ONECUT3: variants seen among roughly 807,000 people sequenced by gnomAD.
ONECUT3 encodes the protein one cut domain family member 3.
In ONECUT3, 11 loss-of-function variants were observed where a neutral mutation model predicts 16.8. The ratio of observed to expected loss-of-function variants is 0.66; its 90% CI spans 0.41 to 1.09. ONECUT3 has a LOEUF of 1.09. Ranked by LOEUF, ONECUT3 falls within the 50% of genes least tolerant of loss-of-function variation. The probability of loss-of-function intolerance (pLI) is 0.00; values close to 1 mark genes in which losing one functional copy is unlikely to be tolerated. For synonymous variants in ONECUT3, 344 were observed against 310.7 expected (o/e 1.11, Z -1.13); for missense variants, 637 against 629.9 (o/e 1.01, Z -0.12).
At position 1,754,926 on chromosome 19, in the gene ONECUT3, C is replaced by T. The variant is rs939637934; in HGVS notation, c.1192+72C>T. On this transcript the variant is annotated intron_variant, in intron 1 of 1. Transcript: ENST00000382349. The surrounding 1 kb of genome is among the most constrained non-coding windows in gnomAD (Gnocchi z 7.4). ...GACTCCCGAGCACCTAGCGGGGCGG[C>T]GGCCGATGCCCGGGGCCAGCGCCCC... is the stretch of plus-strand genomic sequence containing the variant. 7.8e-6 allele frequency: 10 copies of T among 1,282,618 alleles called. No homozygotes were observed. Among genetic ancestry groups the T allele is most frequent in the South Asian group, 2.3e-5 (1 of 43,558 alleles). The allele number at this position is 1,282,618 out of a possible 1,614,324, so 79.5% of individuals were successfully genotyped here.
intron 1 of ONECUT3, among the ~76,000 whole-genome samples, chr19:1,769,256 G>C (rs930149127): frequency 6.6e-6 from 1 of 151,910 alleles, no homozygotes; most frequent in Non-Finnish European, 1.5e-5. Flanking sequence ...GGTGGTGGAG[G>C]AGGAGGAGGT....
chr19:1,775,128 C>G, intron 1 of ONECUT3, 25 bp from the exon 2 acceptor site: 2 of 941,512 alleles, frequency 2.1e-6, no homozygotes, highest in Non-Finnish European at 3.1e-6. Context: ...TCCCGCTCGC[C>G]CGCCCGCCCG....
chr19:1,767,097 C>T (rs1369592901), intron 1 of ONECUT3, among the ~76,000 whole-genome samples: 1 of 152,044 alleles, frequency 6.6e-6, no homozygotes, highest in Non-Finnish European at 1.5e-5. Context: ...CTACTCTTGG[C>T]CCCAGTTTCT....
In ONECUT3 at chr19:1,764,532, G is replaced by A. The variant is rs138838180; in HGVS notation, c.1192+9678G>A. Among the ~76,000 whole-genome samples, 1 of 152,164 alleles carries A rather than the reference G, an allele frequency of 6.6e-6. No individual in the cohort carries two copies. Among genetic ancestry groups the A allele is most frequent in the Non-Finnish European group, 1.5e-5 (1 of 67,988 alleles). ...GGCAGGGCAGGCATGGGGAGGGTAA[G>A]CCACCCAGAGTGGAGGGGTAGTGGG... On this transcript the variant is annotated intron_variant, in intron 1 of 1. Transcript: ENST00000382349. This position sits in a 1 kb window ranked among gnomAD's most constrained non-coding sequence, Gnocchi z 5.0.
chr19:1,779,664 A>G lies in ONECUT3; in HGVS notation c.*4219A>G, dbSNP rs544228469. The G allele has an allele frequency of 8.3e-6, 1 of 119,840 alleles. No homozygotes were observed. Among genetic ancestry groups the G allele is most frequent in the East Asian group, 2.9e-4 (1 of 3,436 alleles). 7.4% of individuals were successfully genotyped at this position (119,840 alleles called of 1,614,324 possible). On this transcript the variant is annotated 3_prime_UTR_variant, in exon 2 of 2. Coordinates refer to ENST00000382349, the MANE Select transcript of ONECUT3 (RefSeq NM_001080488.2). The stretch of plus-strand genomic sequence containing the variant: ...ACTCTTTCTTGACGCTAATTGTAAT[A>G]AAGTGGTCAGGGTGGGGGGCGGGGG...
At position 1,765,971 on chromosome 19, in the gene ONECUT3, G is replaced by A. The variant is rs376706692; in HGVS notation, c.1193-9182G>A. ...CTCTCACGTCTCACGTCCACACCGCGAGCCAGCTGCATCCCACACAGGGAT... is the reference window on the plus strand; with the variant it reads ...CTCTCACGTCTCACGTCCACACCGCAAGCCAGCTGCATCCCACACAGGGAT... On this transcript the variant is annotated intron_variant, in intron 1 of 1. Coordinates refer to ENST00000382349, the MANE Select transcript of ONECUT3 (RefSeq NM_001080488.2). Among the ~76,000 whole-genome samples, 6 of 152,294 alleles carry A rather than the reference G, an allele frequency of 3.9e-5. No individual in the cohort carries two copies. The East Asian group carries it at 7.7e-4, about 20-fold the overall frequency.
rs1041208886 is a variant in ONECUT3, at chr19:1,758,771, G to A, written c.1192+3917G>A. Among the ~76,000 whole-genome samples, 14 of 152,080 alleles carry A rather than the reference G, an allele frequency of 9.2e-5. No individual in the cohort carries two copies. Among genetic ancestry groups the A allele is most frequent in the Non-Finnish European group, 2.9e-5 (2 of 68,008 alleles). On this transcript the variant is annotated intron_variant, in intron 1 of 1. Transcript: ENST00000382349. The surrounding 1 kb of genome is among the most constrained non-coding windows in gnomAD (Gnocchi z 5.9). ...TAATTATGGGAGAGGGGCTGGGGGA[G>A]GGGCGGGCGGGCTCCTCGGCGGGGG... is the stretch of plus-strand genomic sequence containing the variant.
chr19:1,769,009 GGTGGAGGTGGAA>G (rs1473130394), intron 1 of ONECUT3, among the ~76,000 whole-genome samples: 4 of 146,240 alleles, frequency 2.7e-5, no homozygotes, highest in Non-Finnish European at 4.6e-5. Flanking sequence ...TGGTGGAGGT[GGTGGAGGTGGAA>G]GTGGAGGTGG....
At chr19:1,774,685 T>G in intron 1 of ONECUT3, among the ~76,000 whole-genome samples, 1 of 143,584 alleles carries the variant, frequency 7.0e-6, no homozygotes, top group Non-Finnish European at 1.5e-5. Flanking sequence ...TAGGACGGGG[T>G]TTGGGGGGTA....
chr19:1,773,815 T>TG (rs148818962), intron 1 of ONECUT3, among the ~76,000 whole-genome samples: 6 of 152,020 alleles, frequency 3.9e-5, no homozygotes, highest in South Asian at 4.1e-4. Context: ...CAGCTCCTAG[T>TG]GGGGGAAGCC....
chr19:1,771,158 C>T (rs944861619), intron 1 of ONECUT3, among the ~76,000 whole-genome samples: 1 of 152,182 alleles, frequency 6.6e-6, no homozygotes, highest in East Asian at 1.9e-4. Flanking sequence ...GGACTTTCCA[C>T]ACATATTAGG....
Position 1,758,488 on chromosome 19 carries a change from C to T in ONECUT3, c.1192+3634C>T, listed in dbSNP as rs1218165749. 6.6e-6 allele frequency among the ~76,000 whole-genome samples: 1 copy of T among 152,148 alleles called. No homozygotes were observed. The highest frequency in any genetic ancestry group is 1.5e-5 in the Non-Finnish European group (1 of 68,030). ...CACCAAAGCACGCAAGAAATCCCACCGCAGACCTCGGAGTCCCGGCCCCAC... is the reference window on the plus strand; with the variant it reads ...CACCAAAGCACGCAAGAAATCCCACTGCAGACCTCGGAGTCCCGGCCCCAC... On this transcript the variant is annotated intron_variant, in intron 1 of 1. Coordinates refer to ENST00000382349, the MANE Select transcript of ONECUT3 (RefSeq NM_001080488.2). The surrounding 1 kb of genome is among the most constrained non-coding windows in gnomAD (Gnocchi z 5.9).
Position 1,754,425 on chromosome 19 carries a change from G to T in ONECUT3, c.763G>T (p.Ala255Ser), listed in dbSNP as rs2145954869. The stretch of plus-strand genomic sequence containing the variant: ...GCCGCACGCCGCGCTGCTGGGACGC[G>T]CGGAGGACGCACTGGCCCGCGGGCT... ...FEPHAALLGR[A>S]EDALARGLPG... Residue 255 changes from alanine (A) to serine (S), a missense_variant, in exon 1 of 2, where the codon GCG becomes TCG. Around this residue, in one of 3 missense-constraint regions of ONECUT3, gnomAD observed 419 missense variants for 377.9 expected, o/e 1.11. Transcript: ENST00000382349. This position sits in a 1 kb window ranked among gnomAD's most constrained non-coding sequence, Gnocchi z 7.4. 9.6e-7 allele frequency: 1 copy of T among 1,046,488 alleles called. No homozygotes were observed. The highest frequency in any genetic ancestry group is 3.1e-5 in the South Asian group (1 of 32,566). The allele number at this position is 1,046,488 out of a possible 1,614,324, so 64.8% of individuals were successfully genotyped here.
rs6510623 is a variant in ONECUT3 at position 1,779,406 on chromosome 19, A to C, written c.*3961A>C. The C allele has an allele frequency of 0.36, 54,014 of 151,654 alleles. 9,958 individuals are homozygous for C. The highest frequency in any genetic ancestry group is 0.48 in the Admixed American group (7,332 of 15,220). 9.4% of individuals were successfully genotyped at this position (151,654 alleles called of 1,614,324 possible). ...TTAGGAAAGAAAGGAAGAGAGAGAG[A>C]GAGCGAGCGCAAGAGAGAGAGAGAG... On this transcript the variant is annotated 3_prime_UTR_variant, in exon 2 of 2. Coordinates refer to ENST00000382349, the MANE Select transcript of ONECUT3 (RefSeq NM_001080488.2).
Position 1,775,476 on chromosome 19 carries a change from C to T in ONECUT3, c.*31C>T. ...CCCGGCCCCGCGCCCTCCCTGCCTC[C>T]ACGGCCTGGGCGCTGTGCCCCCACG... On this transcript the variant is annotated 3_prime_UTR_variant, in exon 2 of 2. Transcript: ENST00000382349. 1 of 1,435,272 alleles carries T rather than the reference C, an allele frequency of 7.0e-7. No individual in the cohort carries two copies. The highest frequency in any genetic ancestry group is 1.5e-5 in the South Asian group (1 of 65,444). 88.9% of individuals were successfully genotyped at this position (1,435,272 alleles called of 1,614,324 possible).
intron 1 of ONECUT3, among the ~76,000 whole-genome samples, chr19:1,760,127 C>T (rs1271151361): frequency 4.6e-5 from 7 of 152,238 alleles, no homozygotes; most frequent in Non-Finnish European, 1.0e-4. Flanking sequence ...GAACCCGATG[C>T]GGTTCCCATG....
chr19:1,776,731 G>GA lies in ONECUT3; in HGVS notation c.*1287dup, dbSNP rs2145970179. On this transcript the variant is annotated 3_prime_UTR_variant, in exon 2 of 2. Coordinates refer to ENST00000382349, the MANE Select transcript of ONECUT3 (RefSeq NM_001080488.2). The surrounding 1 kb of genome is among the most constrained non-coding windows in gnomAD (Gnocchi z 4.9). ...CGCCTCCTCCGGGGGTTCAAGATCC[G>GA]AGTCTAGAAGGAACCTCCTCCCTGA... 1 of 148,862 alleles carries GA rather than the reference G, an allele frequency of 6.7e-6. No individual in the cohort carries two copies. Among genetic ancestry groups the GA allele is most frequent in the South Asian group, 2.1e-4 (1 of 4,680 alleles). The allele number at this position is 148,862 out of a possible 1,614,324, so 9.2% of individuals were successfully genotyped here.
chr19:1,761,714 G>C (rs1041078239), intron 1 of ONECUT3, among the ~76,000 whole-genome samples: 3 of 152,210 alleles, frequency 2.0e-5, no homozygotes, highest in Non-Finnish European at 4.4e-5. Flanking sequence ...GCACTGGTGG[G>C]GTAGGGGAGA....
At chr19:1,772,672 A>G (rs953514879) in intron 1 of ONECUT3, among the ~76,000 whole-genome samples, 2 of 131,998 alleles carry the variant, frequency 1.5e-5, no homozygotes, top group East Asian at 2.3e-4. Context: ...ATTTTCTGGG[A>G]TATCTGCTTT....
Sources: gnomAD v4.1 joint callset for allele counts (sites outside exome capture counted in the v4.1 genomes callset) on GRCh38, gnomAD v4.1.1 for gene constraint, gnomAD v4.1.1 regional missense constraint, Gnocchi (gnomAD v3.1) non-coding constraint, MANE v1.5 for transcripts, NCBI Gene and HGNC (gene_info 2026-07-23, HGNC 2026-07-21) for gene names.